Variants in DPYSL2 observed in about 807,000 individuals in gnomAD.
The protein encoded by DPYSL2 is dihydropyrimidinase like 2, also known as dihydropyrimidinase-related protein 2.
DPYSL2 carries 13 observed loss-of-function variants against 69.9 expected under a neutral mutation model. That is an observed-to-expected ratio of 0.19 (90% confidence interval 0.12 to 0.30). The LOEUF is 0.30. DPYSL2 is among the 10% of genes least tolerant of loss of function. The pLI is 1.00. For synonymous variants in DPYSL2, 326 were observed against 359.1 expected (o/e 0.91, Z 1.04); for missense variants, 587 against 918.9 (o/e 0.64, Z 4.67).
At chr8:26,611,164 A>G (rs1802217599) in intron 3 of DPYSL2, among the ~76,000 whole-genome samples, 1 of 152,236 alleles carries the variant, frequency 6.6e-6, no homozygotes, top group East Asian at 1.9e-4. Flanking sequence ...TGAGCTCTGG[A>G]GCCAAAGCCC....
rs1354941951 is a variant in DPYSL2, at chr8:26,533,144, C to T, written c.354+18465C>T. Among the ~76,000 whole-genome samples the T allele has an allele frequency of 6.6e-6, 1 of 152,152 alleles. No individual in the cohort carries two copies. The highest frequency in any genetic ancestry group is 6.5e-5 in the Admixed American group (1 of 15,272). On this transcript the variant is annotated intron_variant, in intron 1 of 13. Transcript: ENST00000521913. The surrounding 1 kb of genome is among the most constrained non-coding windows in gnomAD (Gnocchi z 4.8). Reference sequence around the variant, plus strand: ...CTGATGACTTGATGCCATTGAGCATCTTTTCATGTGCTTATGTCATTTGTA... The same window carrying T: ...CTGATGACTTGATGCCATTGAGCATTTTTTCATGTGCTTATGTCATTTGTA...
chr8:26,636,181 C>T (rs1052573562), intron 8 of DPYSL2, among the ~76,000 whole-genome samples: 1 of 152,200 alleles, frequency 6.6e-6, no homozygotes, highest in African/African-American at 2.4e-5. Context: ...AAGCATTCAC[C>T]TAAAATAATG....
At chr8:26,525,447 C>T (rs1176233659) in intron 1 of DPYSL2, among the ~76,000 whole-genome samples, 1 of 152,164 alleles carries the variant, frequency 6.6e-6, no homozygotes, top group Non-Finnish European at 1.5e-5. Context: ...GTCATGAACT[C>T]CAGGGCTCAA....
intron 3 of DPYSL2, among the ~76,000 whole-genome samples, chr8:26,600,874 C>T (rs1801975883): frequency 6.6e-6 from 1 of 152,218 alleles, no homozygotes; most frequent in Non-Finnish European, 1.5e-5. Context: ...TCCTGTTTTG[C>T]TCCCTTTTGT....
In DPYSL2 at chr8:26,576,912, T is replaced by A. The variant is rs116522164; in HGVS notation, c.355-5057T>A. 1,827 of 278,130 alleles carry A rather than the reference T, an allele frequency of 6.6e-3. 37 individuals carry two copies. Among genetic ancestry groups the A allele is most frequent in the African/African-American group, 0.04 (1,698 of 42,212 alleles). The allele number at this position is 278,130 out of a possible 1,614,324, so 17.2% of individuals were successfully genotyped here. A position where few individuals can be genotyped will look rare whatever the true frequency, so the allele number is the denominator to read the frequency against. ...GACAGCGCTGCAGGCACCAGCGAAA[T>A]GCGCTGCGCCCCCACGCACCCCTCA... is the stretch of plus-strand genomic sequence containing the variant. On this transcript the variant is annotated intron_variant, in intron 1 of 13. Coordinates refer to ENST00000521913, the MANE Select transcript of DPYSL2 (RefSeq NM_001197293.3).
rs192703599 is a variant in DPYSL2 at position 26,534,479 on chromosome 8, A to G, written c.354+19800A>G. On this transcript the variant is annotated intron_variant, in intron 1 of 13. Coordinates refer to ENST00000521913, the MANE Select transcript of DPYSL2 (RefSeq NM_001197293.3). ...CTGCCTCTCATTTACTTCTTACAGG[A>G]TTTCCAAGATAAAATTGTGAGCTCT... Among the ~76,000 whole-genome samples the G allele has an allele frequency of 2.0e-5, 3 of 151,806 alleles. No individual in the cohort carries two copies. In the East Asian group the frequency reaches 5.9e-4, roughly 30 times the overall value.
intron 1 of DPYSL2, among the ~76,000 whole-genome samples, chr8:26,537,611 T>TCTACACACAC (rs141281802): frequency 2.0e-5 from 3 of 147,546 alleles, no homozygotes; most frequent in African/African-American, 5.0e-5. Flanking sequence ...ATTCTCTCTC[T>TCTACACACAC]ACACACACAC....
intron 1 of DPYSL2, among the ~76,000 whole-genome samples, chr8:26,546,836 G>A (rs1166001944): frequency 7.1e-6 from 1 of 140,510 alleles, no homozygotes; most frequent in African/African-American, 2.6e-5. Flanking sequence ...CAGGCGAATG[G>A]CGTGAACCCG....
In DPYSL2 at chr8:26,609,017, T is replaced by A. The variant is rs984219588; in HGVS notation, c.629-15126T>A. Among the ~76,000 whole-genome samples the A allele has an allele frequency of 2.0e-4, 30 of 152,234 alleles. No individual in the cohort carries two copies. The highest frequency in any genetic ancestry group is 6.8e-4 in the African/African-American group (28 of 41,474). ...CAATCCAACAGCGGATCTGTTTTTT[T>A]ACTCCATGTAATGGGACTGTTGCTG... On this transcript the variant is annotated intron_variant, in intron 3 of 13. Transcript: ENST00000521913. The surrounding 1 kb of genome is among the most constrained non-coding windows in gnomAD (Gnocchi z 6.5).
chr8:26,604,657 CTT>C (rs372310488), intron 3 of DPYSL2, among the ~76,000 whole-genome samples: 9 of 145,588 alleles, frequency 6.2e-5, no homozygotes, highest in Non-Finnish European at 4.6e-5. Flanking sequence ...TCAAGTCTTG[CTT>C]TTTTTTTTTT....
intron 3 of DPYSL2, among the ~76,000 whole-genome samples, chr8:26,600,045 T>C (rs1269290748): frequency 6.6e-6 from 1 of 152,260 alleles, no homozygotes; most frequent in African/African-American, 2.4e-5. Context: ...TTCTTTCCCT[T>C]AGCATAATGT....
chr8:26,520,474 G>T (rs1585485646), intron 1 of DPYSL2, among the ~76,000 whole-genome samples: 4 of 145,478 alleles, frequency 2.7e-5, no homozygotes, highest in Non-Finnish European at 3.0e-5. Flanking sequence ...CTGAATGCCT[G>T]TTTTTTTTTT....
At chr8:26,544,863 TATATC>T (rs1258384268) in intron 1 of DPYSL2, among the ~76,000 whole-genome samples, 3 of 152,190 alleles carry the variant, frequency 2.0e-5, no homozygotes, top group African/African-American at 7.2e-5. Flanking sequence ...GGGCTATACT[TATATC>T]AGACAAAATA....
At position 26,626,827 on chromosome 8, in the gene DPYSL2, G is replaced by T; in HGVS notation, c.855+149G>T. 1.2e-6 allele frequency: 1 copy of T among 833,362 alleles called. No homozygotes were observed. The highest frequency in any genetic ancestry group is 2.5e-5 in the East Asian group (1 of 39,328). The allele number at this position is 833,362 out of a possible 1,614,324, so 51.6% of individuals were successfully genotyped here. ...GCAGTTACTGATGTAACTGAGCCTT[G>T]GAAGAGAGTATGAACGCAGTGCCCT... On this transcript the variant is annotated intron_variant, in intron 5 of 13. Coordinates refer to ENST00000521913, the MANE Select transcript of DPYSL2 (RefSeq NM_001197293.3). This position sits in a 1 kb window ranked among gnomAD's most constrained non-coding sequence, Gnocchi z 4.3.
rs558371191 is a variant in DPYSL2, at chr8:26,620,476, G to A, written c.629-3667G>A. Among the ~76,000 whole-genome samples, 3 of 152,066 alleles carry A rather than the reference G, an allele frequency of 2.0e-5. No homozygotes were observed. The highest frequency in any genetic ancestry group is 4.8e-5 in the African/African-American group (2 of 41,486). ...TCATCATGTTGCCCAGGCTGGTCTC[G>A]AACTCCTGGCCTCAAGTGATCTTTT... On this transcript the variant is annotated intron_variant, in intron 3 of 13. Coordinates refer to ENST00000521913, the MANE Select transcript of DPYSL2 (RefSeq NM_001197293.3). This position sits in a 1 kb window ranked among gnomAD's most constrained non-coding sequence, Gnocchi z 4.5.
In DPYSL2 at chr8:26,587,354, C is replaced by T. The variant is rs1801629624; in HGVS notation, c.628+3371C>T. Among the ~76,000 whole-genome samples the T allele has an allele frequency of 6.6e-6, 1 of 152,156 alleles. No homozygotes were observed. The highest frequency in any genetic ancestry group is 6.5e-5 in the Admixed American group (1 of 15,276). On this transcript the variant is annotated intron_variant, in intron 3 of 13. Coordinates refer to ENST00000521913, the MANE Select transcript of DPYSL2 (RefSeq NM_001197293.3). The surrounding 1 kb of genome is among the most constrained non-coding windows in gnomAD (Gnocchi z 4.2). The stretch of plus-strand genomic sequence containing the variant: ...AAAAATCTCCCTCTTCCTCCCAACT[C>T]CCCGCCACCCCGCCCCTGGGCACTC...
rs1801602952 is a variant in DPYSL2 at position 26,586,379 on chromosome 8, C to T, written c.628+2396C>T. 6.6e-6 allele frequency among the ~76,000 whole-genome samples: 1 copy of T among 152,192 alleles called. No individual in the cohort carries two copies. Among genetic ancestry groups the T allele is most frequent in the African/African-American group, 2.4e-5 (1 of 41,440 alleles). The stretch of plus-strand genomic sequence containing the variant: ...TGAAACTCAGAGAGATTTTGCCTCT[C>T]ATCAAGTACATGTTGCTCAGCAGAT... On this transcript the variant is annotated intron_variant, in intron 3 of 13. Transcript: ENST00000521913. This position sits in a 1 kb window ranked among gnomAD's most constrained non-coding sequence, Gnocchi z 4.7.
intron 1 of DPYSL2, among the ~76,000 whole-genome samples, chr8:26,548,910 C>T (rs146825972): frequency 2.8e-4 from 42 of 151,712 alleles, no homozygotes; most frequent in East Asian, 2.7e-3. Context: ...AAAAATAGGC[C>T]GGGCGCAGTG....
chr8:26,651,521 G>C (rs1222424127), intron 11 of DPYSL2, among the ~76,000 whole-genome samples: 1 of 152,214 alleles, frequency 6.6e-6, no homozygotes, highest in Non-Finnish European at 1.5e-5. Context: ...GATCTGGGAA[G>C]TAGCACTGGG....
Sources: allele counts gnomAD v4.1 joint callset (sites outside exome capture counted in the v4.1 genomes callset), GRCh38; gene constraint gnomAD v4.1.1; non-coding constraint Gnocchi (gnomAD v3.1); transcripts MANE v1.5; gene names NCBI Gene and HGNC (gene_info 2026-07-23, HGNC 2026-07-21).